The following EFR3A variants were observed in gnomAD, a reference collection of about 807,000 sequenced individuals.
The protein encoded by EFR3A is protein EFR3 homolog A.
In EFR3A, 76 loss-of-function variants were observed where a neutral mutation model predicts 104.4. The ratio of observed to expected loss-of-function variants is 0.73; its 90% CI spans 0.60 to 0.88. The LOEUF (loss-of-function observed/expected upper bound fraction) is 0.88, where lower values mean the gene tolerates loss of function less well. Ranked by LOEUF, EFR3A falls within the 40% of genes least tolerant of loss-of-function variation. EFR3A has a pLI of 0.00. For missense variants in EFR3A, 985 were observed against 1,012.5 expected (o/e 0.97, Z 0.37); for synonymous variants, 330 against 330.0 (o/e 1.00, Z 0.00).
At chr8:131,958,622 AC>A (rs1819148173) in intron 7 of EFR3A, among the ~76,000 whole-genome samples, 1 of 151,584 alleles carries the variant, frequency 6.6e-6, no homozygotes, top group Non-Finnish European at 1.5e-5. Flanking sequence ...ATTTTTAATG[AC>A]CCAAAAAGTA....
chr8:131,965,379 C>G (rs2130676762), intron 8 of EFR3A, among the ~76,000 whole-genome samples: 1 of 152,114 alleles, frequency 6.6e-6, no homozygotes, highest in Middle Eastern at 3.4e-3. Context: ...AAGAAAAAAA[C>G]AACATCAACA....
intron 8 of EFR3A, among the ~76,000 whole-genome samples, chr8:131,965,598 T>C (rs1260029398): frequency 1.3e-5 from 2 of 152,142 alleles, no homozygotes; most frequent in African/African-American, 4.8e-5. Flanking sequence ...TAGGCACACT[T>C]TTACACTGTT....
chr8:131,947,425 T>G (rs1211612241), intron 4 of EFR3A, among the ~76,000 whole-genome samples: 1 of 152,096 alleles, frequency 6.6e-6, no homozygotes, highest in African/African-American at 2.4e-5. Flanking sequence ...TTATCAGATA[T>G]ATGATTTGCA....
Position 132,011,203 on chromosome 8 carries a change from ATGTTTT to A in EFR3A, c.*310_*315del. On this transcript the variant is annotated 3_prime_UTR_variant, in exon 23 of 23. Coordinates refer to ENST00000254624, the MANE Select transcript of EFR3A (RefSeq NM_015137.6). The stretch of plus-strand genomic sequence containing the variant: ...ATGTTTTAAACTTTTCACAAATGTA[ATGTTTT>A]TTAAAAAGTAAGCCTTCAGAGGATT... The A allele has an allele frequency of 9.7e-7, 1 of 1,027,378 alleles. No individual in the cohort carries two copies. 63.6% of individuals were successfully genotyped at this position (1,027,378 alleles called of 1,614,324 possible).
chr8:131,994,260 AAG>A (rs995922312), intron 18 of EFR3A, among the ~76,000 whole-genome samples: 1 of 151,846 alleles, frequency 6.6e-6, no homozygotes, highest in African/African-American at 2.4e-5. Flanking sequence ...AAAAAAAAAA[AAG>A]AGAGAGAAAG....
rs775697008 is a variant in EFR3A at position 131,959,669 on chromosome 8, G to A, written c.855+6G>A. The A allele has an allele frequency of 1.1e-5, 17 of 1,600,646 alleles. No individual in the cohort carries two copies. The South Asian group carries it at 1.8e-4, about 17-fold the overall frequency. ...TTATAATGTATTCCATTCAGGTAAGGTTTGATTAACTATTTACTGTATTTA... is the reference window on the plus strand; with the variant it reads ...TTATAATGTATTCCATTCAGGTAAGATTTGATTAACTATTTACTGTATTTA... On this transcript the variant is annotated splice_donor_region_variant and intron_variant, in intron 8 of 22. Coordinates refer to ENST00000254624, the MANE Select transcript of EFR3A (RefSeq NM_015137.6).
intron 11 of EFR3A, 63 bp downstream of exon 11, chr8:131,976,204 A>G (rs1820319192): frequency 1.9e-6 from 2 of 1,070,628 alleles, no homozygotes; most frequent in East Asian, 2.6e-5. Context: ...AACGAAATCT[A>G]GAAAATGTTA....
At chr8:131,966,747 A>G (rs1011787734) in intron 8 of EFR3A, among the ~76,000 whole-genome samples, 2 of 152,120 alleles carry the variant, frequency 1.3e-5, no homozygotes, top group Non-Finnish European at 2.9e-5. Context: ...CCACCACTGT[A>G]TTATGTTGCG....
intron 1 of EFR3A, among the ~76,000 whole-genome samples, chr8:131,939,130 G>A (rs946246229): frequency 3.9e-5 from 6 of 151,998 alleles, no homozygotes; most frequent in African/African-American, 1.4e-4. Flanking sequence ...ACTAATAATA[G>A]CTACCATTGT....
chr8:131,984,062 A>G (rs1446522672), intron 14 of EFR3A, 77 bp from the exon 15 acceptor site: 1 of 1,318,554 alleles, frequency 7.6e-7, no homozygotes, highest in South Asian at 1.7e-5. Context: ...GCTACACTGT[A>G]AAAGTATATG....
At chr8:131,905,500 A>G (rs559531858) in intron 1 of EFR3A, among the ~76,000 whole-genome samples, 1 of 152,366 alleles carries the variant, frequency 6.6e-6, no homozygotes, top group Admixed American at 6.5e-5. Context: ...AAATCTTTAC[A>G]TAGTCCTGAT....
intron 7 of EFR3A, among the ~76,000 whole-genome samples, chr8:131,959,372 T>C (rs1005794017): frequency 1.3e-5 from 2 of 152,192 alleles, no homozygotes; most frequent in African/African-American, 4.8e-5. Flanking sequence ...TGATTAAATG[T>C]TCACGAAACT....
chr8:131,942,068 T>G (rs1035773146), intron 2 of EFR3A, among the ~76,000 whole-genome samples: 1 of 152,086 alleles, frequency 6.6e-6, no homozygotes, highest in African/African-American at 2.4e-5. Flanking sequence ...GGCCAGATTT[T>G]AGAGGATTGT....
chr8:131,913,880 C>T (rs912399201), intron 1 of EFR3A, among the ~76,000 whole-genome samples: 1 of 152,182 alleles, frequency 6.6e-6, no homozygotes, highest in Admixed American at 6.5e-5. Flanking sequence ...CTGTGCCAGG[C>T]TAAAGGAATG....
rs530156201 is a variant in EFR3A, at chr8:131,949,524, G to A, written c.367-445G>A. Among the ~76,000 whole-genome samples, 3 of 152,224 alleles carry A rather than the reference G, an allele frequency of 2.0e-5. No individual in the cohort carries two copies. The East Asian group carries it at 5.8e-4, about 29-fold the overall frequency. ...TTTATTATTAAAAAGTTTCTTTTGG[G>A]TTGGTGCAGTGGTTCATGCCTATAA... is the stretch of plus-strand genomic sequence containing the variant. On this transcript the variant is annotated intron_variant, in intron 4 of 22. Transcript: ENST00000254624.
chr8:131,908,516 T>G (rs1440519796), intron 1 of EFR3A, among the ~76,000 whole-genome samples: 1 of 152,234 alleles, frequency 6.6e-6, no homozygotes, highest in Non-Finnish European at 1.5e-5. Flanking sequence ...TGGTAGGCAG[T>G]ATACTTTGTG....
chr8:131,982,930 A>G (rs1160022087), intron 14 of EFR3A, among the ~76,000 whole-genome samples: 1 of 152,168 alleles, frequency 6.6e-6, no homozygotes, highest in Non-Finnish European at 1.5e-5. Flanking sequence ...GGGTAGCTTT[A>G]TGTCTGTAGC....
intron 1 of EFR3A, among the ~76,000 whole-genome samples, chr8:131,924,614 T>G (rs1161074270): frequency 6.6e-6 from 1 of 152,146 alleles, no homozygotes; most frequent in Non-Finnish European, 1.5e-5. Flanking sequence ...ACATCCTGTT[T>G]CCCTCAGCCT....
In EFR3A at chr8:131,999,342, T is replaced by A. The variant is rs555231069; in HGVS notation, c.2158-2417T>A. Among the ~76,000 whole-genome samples, 73 of 152,298 alleles carry A rather than the reference T, an allele frequency of 4.8e-4. No homozygotes were observed. In the South Asian group the frequency reaches 6.2e-3, roughly 13 times the overall value. On this transcript the variant is annotated intron_variant, in intron 19 of 22. Transcript: ENST00000254624. ...AGCATCTAGTCAATATTAGTCACAC[T>A]CTGTGGTGCTAGATGCTATCAAATT...
Sources: allele counts gnomAD v4.1 joint callset (sites outside exome capture counted in the v4.1 genomes callset), GRCh38; gene constraint gnomAD v4.1.1; transcripts MANE v1.5; gene names NCBI Gene and HGNC (gene_info 2026-07-23, HGNC 2026-07-21).